EHMT1: variants seen among roughly 807,000 people sequenced by gnomAD.
EHMT1 encodes histone-lysine N-methyltransferase EHMT1.
A neutral mutation model predicts 147.2 loss-of-function variants in EHMT1; 15 were observed. The ratio of observed to expected loss-of-function variants is 0.10; its 90% CI spans 0.07 to 0.16. The LOEUF is 0.16. EHMT1 is among the 10% of genes least tolerant of loss of function. EHMT1 has a pLI of 1.00. For synonymous variants in EHMT1, 795 were observed against 709.6 expected, an observed-to-expected ratio of 1.12 and a Z score of -1.91; for missense variants, 1,587 against 1,772.4, an observed-to-expected ratio of 0.90 and a Z score of 1.88.
At chr9:137,780,011 A>C (rs1951259916) in intron 14 of EHMT1, among the ~76,000 whole-genome samples, 1 of 152,246 alleles carries the variant, frequency 6.6e-6, no homozygotes, top group Non-Finnish European at 1.5e-5. Flanking sequence ...AGGAAAAGCA[A>C]AACTAGTGAG....
chr9:137,631,960 A>G (rs528782541), intron 1 of EHMT1, among the ~76,000 whole-genome samples: 5 of 152,320 alleles, frequency 3.3e-5, no homozygotes, highest in African/African-American at 1.2e-4. Flanking sequence ...GTAGTAGGGT[A>G]GTGCACTGCC....
At chr9:137,668,167 C>T (rs1589172921) in intron 1 of EHMT1, among the ~76,000 whole-genome samples, 1 of 152,192 alleles carries the variant, frequency 6.6e-6, no homozygotes, top group Admixed American at 6.5e-5. Flanking sequence ...ATCGAGAAGA[C>T]AAGGAGTGCT....
At chr9:137,648,481 T>A (rs1313763853) in intron 1 of EHMT1, among the ~76,000 whole-genome samples, 4 of 126,864 alleles carry the variant, frequency 3.2e-5, no homozygotes, top group Admixed American at 8.4e-5. Context: ...ATAGAGAGAC[T>A]CCTTCTCTCC....
Position 137,787,879 on chromosome 9 carries a change from C to G in EHMT1, c.2383-2969C>G, listed in dbSNP as rs1588709733. 14 of 1,283,360 alleles carry G rather than the reference C, an allele frequency of 1.1e-5. No homozygotes were observed. The East Asian group carries it at 3.2e-4, about 30-fold the overall frequency. 79.5% of individuals were successfully genotyped at this position (1,283,360 alleles called of 1,614,324 possible). On this transcript the variant is annotated intron_variant, in intron 15 of 26. Transcript: ENST00000460843. This position sits in a 1 kb window ranked among gnomAD's most constrained non-coding sequence, Gnocchi z 4.2. ...TGGGGATAGGAGGTGGGTGGGGGTG[C>G]CAAGGGCATTACCACATTGGGAGTG...
At chr9:137,667,706 A>G (rs892782054) in intron 1 of EHMT1, among the ~76,000 whole-genome samples, 1 of 152,190 alleles carries the variant, frequency 6.6e-6, no homozygotes, top group Admixed American at 6.5e-5. Context: ...AAGTTCATGT[A>G]AAGTAGAAGT....
At chr9:137,672,215 TTC>T (rs1392481003) in intron 1 of EHMT1, among the ~76,000 whole-genome samples, 2 of 152,260 alleles carry the variant, frequency 1.3e-5, no homozygotes, top group Non-Finnish European at 2.9e-5. Flanking sequence ...TCACTTTTGT[TTC>T]TTTTTTTAAA....
intron 1 of EHMT1, chr9:137,637,642 T>C (rs1844181819): frequency 6.6e-6 from 1 of 152,238 alleles, no homozygotes; most frequent in Admixed American, 6.5e-5. Context: ...CCTGTCGTTT[T>C]CTGTGTGTTA....
intron 6 of EHMT1, chr9:137,745,707 T>TC: frequency 2.5e-6 from 1 of 396,196 alleles, no homozygotes; most frequent in Non-Finnish European, 4.4e-6. Flanking sequence ...TTACGCTCTT[T>TC]CTGTCAAGTT....
At chr9:137,802,068 G>A (rs952460030) in intron 18 of EHMT1, among the ~76,000 whole-genome samples, 2 of 152,236 alleles carry the variant, frequency 1.3e-5, no homozygotes, top group African/African-American at 4.8e-5. Flanking sequence ...TTGGAGCTGA[G>A]ATAGGAGGAC....
chr9:137,811,360 G>C, intron 18 of EHMT1, 101 bp from the exon 19 acceptor site: 5 of 1,558,136 alleles, frequency 3.2e-6, no homozygotes, highest in Non-Finnish European at 3.5e-6. Flanking sequence ...GCATGCTCCA[G>C]AGCCTCTCCC....
At chr9:137,728,607 T>G in intron 4 of EHMT1, 78 bp downstream of exon 4, 2 of 1,596,318 alleles carry the variant, frequency 1.3e-6, no homozygotes, top group Non-Finnish European at 1.7e-6. Context: ...AGAGTTCTGT[T>G]TGGCTGTAAG....
rs1419499754 is a variant in EHMT1 at position 137,646,211 on chromosome 9, C to T, written c.21+27162C>T. On this transcript the variant is annotated intron_variant, in intron 1 of 26. Coordinates refer to ENST00000460843, the MANE Select transcript of EHMT1 (RefSeq NM_024757.5). ...CTGGCCTCAGGTGATCCGCCTGCCTCGGCCTCCCAAAGTGTTGGGATTATA... is the reference window on the plus strand; with the variant it reads ...CTGGCCTCAGGTGATCCGCCTGCCTTGGCCTCCCAAAGTGTTGGGATTATA... 6 of 330,732 alleles carry T rather than the reference C, an allele frequency of 1.8e-5. 1 individual carries two copies. Among genetic ancestry groups the T allele is most frequent in the Non-Finnish European group, 2.6e-5 (6 of 231,618 alleles). The allele number at this position is 330,732 out of a possible 1,614,324, so 20.5% of individuals were successfully genotyped here. A position where few individuals can be genotyped will look rare whatever the true frequency, so the allele number is the denominator to read the frequency against.
At chr9:137,822,306 G>C (rs1000878407) in intron 25 of EHMT1, among the ~76,000 whole-genome samples, 6 of 152,190 alleles carry the variant, frequency 3.9e-5, no homozygotes, top group African/African-American at 1.4e-4. Context: ...GTCCTTTCCA[G>C]TTCTGCCATC....
intron 1 of EHMT1, among the ~76,000 whole-genome samples, chr9:137,626,494 G>T (rs1438514790): frequency 6.8e-6 from 1 of 147,220 alleles, no homozygotes; most frequent in African/African-American, 2.5e-5. Flanking sequence ...CTGCACTCCA[G>T]CCTGGGTGAC....
In EHMT1 at chr9:137,803,130, C is replaced by A. The variant is rs566094367; in HGVS notation, c.2712+2146C>A. 44 of 1,228,774 alleles carry A rather than the reference C, an allele frequency of 3.6e-5. 1 individual carries two copies. In the South Asian group the frequency reaches 1.2e-3, roughly 35 times the overall value. The allele number at this position is 1,228,774 out of a possible 1,614,324, so 76.1% of individuals were successfully genotyped here. A position where few individuals can be genotyped will look rare whatever the true frequency, so the allele number is the denominator to read the frequency against. ...CCTGTCCAGGTGTCAGAGCTGTTAG[C>A]TCTCTGATGCTGGTGGCTGTTCCCC... On this transcript the variant is annotated intron_variant, in intron 18 of 26. Transcript: ENST00000460843.
At chr9:137,811,678 C>G in intron 19 of EHMT1, 63 bp downstream of exon 19, 1 of 1,593,584 alleles carries the variant, frequency 6.3e-7, no homozygotes, top group Non-Finnish European at 8.5e-7. Context: ...CCAGAGAGAC[C>G]GCTTGACAGT....
At chr9:137,675,255 A>G (rs1242169499) in intron 1 of EHMT1, 1 of 152,200 alleles carries the variant, frequency 6.6e-6, no homozygotes, top group Non-Finnish European at 1.5e-5. Flanking sequence ...TGCAGAATAG[A>G]TGCTAGACTG....
At chr9:137,724,887 C>A (rs1454554147) in intron 3 of EHMT1, among the ~76,000 whole-genome samples, 1 of 142,478 alleles carries the variant, frequency 7.0e-6, no homozygotes, top group African/African-American at 2.8e-5. Context: ...GTGTGGCATT[C>A]GTGGGACAGA....
chr9:137,737,787 C>G (rs201988862), intron 4 of EHMT1, among the ~76,000 whole-genome samples: 1 of 152,198 alleles, frequency 6.6e-6, no homozygotes, highest in Non-Finnish European at 1.5e-5. Flanking sequence ...AATAAAAAGG[C>G]ACCTGTGGAG....
Sources: allele counts gnomAD v4.1 joint callset (sites outside exome capture counted in the v4.1 genomes callset), GRCh38; gene constraint gnomAD v4.1.1; non-coding constraint Gnocchi (gnomAD v3.1); transcripts MANE v1.5; gene names NCBI Gene and HGNC (gene_info 2026-07-23, HGNC 2026-07-21).